SUFU: variants seen among roughly 807,000 people sequenced by gnomAD.
The protein encoded by SUFU is SUFU negative regulator of hedgehog signaling.
In SUFU, 7 loss-of-function variants were observed where a neutral mutation model predicts 58.9. That is an observed-to-expected ratio of 0.12 (90% CI 0.07 to 0.22). SUFU has a LOEUF of 0.22. Among genes scored for constraint, SUFU ranks in the 10% least tolerant of loss-of-function variants. SUFU has a pLI of 1.00. For missense variants in SUFU, 451 were observed against 641.3 expected (o/e 0.70, Z 3.20); for synonymous variants, 232 against 254.8 (o/e 0.91, Z 0.85).
At chr10:102,505,337 A>C (rs1464152534) in intron 1 of SUFU, among the ~76,000 whole-genome samples, 1 of 152,200 alleles carries the variant, frequency 6.6e-6, no homozygotes, top group Non-Finnish European at 1.5e-5. Context: ...ACTCTGGAAA[A>C]GAACCTGTCC....
intron 8 of SUFU, among the ~76,000 whole-genome samples, chr10:102,602,162 T>C (rs1487093422): frequency 2.6e-5 from 4 of 151,694 alleles, no homozygotes; most frequent in Non-Finnish European, 5.9e-5. Context: ...CTTATCCTCA[T>C]AGCCATCCTG....
intron 10 of SUFU, among the ~76,000 whole-genome samples, chr10:102,622,160 C>T (rs940547406): frequency 1.3e-5 from 2 of 152,212 alleles, no homozygotes; most frequent in Admixed American, 6.5e-5. Context: ...AGATCCATTG[C>T]CCCCCTCGCA....
At position 102,557,360 on chromosome 10, in the gene SUFU, C is replaced by A. The variant is rs943979216; in HGVS notation, c.454+7254C>A. The stretch of plus-strand genomic sequence containing the variant: ...TGGGAGGCTGAGGCAGTGAGGCGGG[C>A]AGATTGCTTGAGCCCAGGAGTTTGA... On this transcript the variant is annotated intron_variant, in intron 3 of 11. Coordinates refer to ENST00000369902, the MANE Select transcript of SUFU (RefSeq NM_016169.4). Among the ~76,000 whole-genome samples the A allele has an allele frequency of 4.6e-5, 7 of 152,106 alleles. No individual in the cohort carries two copies. In the East Asian group the frequency reaches 1.4e-3, roughly 29 times the overall value.
At chr10:102,579,341 C>T (rs1010285104) in intron 3 of SUFU, among the ~76,000 whole-genome samples, 1 of 152,156 alleles carries the variant, frequency 6.6e-6, no homozygotes, top group Non-Finnish European at 1.5e-5. Flanking sequence ...TGCATCAGTC[C>T]AGTTCTGAAA....
rs770830746 is a variant in SUFU at position 102,596,670 on chromosome 10, C to G, written c.757-470C>G. ...TAGAAGGGGAAACTGCAGGTGTGGC[C>G]TGTTGCCTGTGGCAGGCTTCCACCC... On this transcript the variant is annotated intron_variant, in intron 6 of 11. Coordinates refer to ENST00000369902, the MANE Select transcript of SUFU (RefSeq NM_016169.4). 2.6e-5 allele frequency among the ~76,000 whole-genome samples: 4 copies of G among 152,220 alleles called. No individual in the cohort carries two copies. In the South Asian group the frequency reaches 8.3e-4, roughly 32 times the overall value.
rs2063834214 is a variant in SUFU, at chr10:102,631,183, G to C, written c.*1028G>C. On this transcript the variant is annotated 3_prime_UTR_variant, in exon 12 of 12. Coordinates refer to ENST00000369902, the MANE Select transcript of SUFU (RefSeq NM_016169.4). ...AGTCCCTGGGCCTCCCAGCCTTCAG[G>C]CTGTAGGGCTGCCTTACTAAAATTG... 1 of 233,256 alleles carries C rather than the reference G, an allele frequency of 4.3e-6. No homozygotes were observed. The highest frequency in any genetic ancestry group is 8.5e-6 in the Non-Finnish European group (1 of 118,146). The allele number at this position is 233,256 out of a possible 1,614,324, so 14.4% of individuals were successfully genotyped here. A position where few individuals can be genotyped will look rare whatever the true frequency, so the allele number is the denominator to read the frequency against.
chr10:102,543,128 A>C (rs2062821381), intron 2 of SUFU, among the ~76,000 whole-genome samples: 1 of 152,218 alleles, frequency 6.6e-6, no homozygotes, highest in South Asian at 2.1e-4. Flanking sequence ...TTTATTAGGT[A>C]CTGCCTAATT....
chr10:102,580,979 C>G (rs2063270991), intron 3 of SUFU, among the ~76,000 whole-genome samples: 1 of 151,802 alleles, frequency 6.6e-6, no homozygotes, highest in African/African-American at 2.4e-5. Flanking sequence ...GTCAGGAGTT[C>G]AAGACTAGCC....
rs2062371760 is a variant in SUFU, at chr10:102,509,384, G to A, written c.317+81G>A. 2.5e-6 allele frequency: 4 copies of A among 1,573,298 alleles called. No individual in the cohort carries two copies. The East Asian group carries it at 6.7e-5, about 26-fold the overall frequency. On this transcript the variant is annotated intron_variant, in intron 2 of 11. Transcript: ENST00000369902. ...GCAGGGGTGACAATGTCATAGTGCT[G>A]TGAGCATGGTACTTCTCCGTGGAAC...
chr10:102,627,271 C>T (rs1215176743), intron 11 of SUFU, 28 bp downstream of exon 11: 2 of 1,596,850 alleles, frequency 1.3e-6, no homozygotes, highest in Admixed American at 1.7e-5. Context: ...TTCCTGACAA[C>T]AGGTCCCGTC....
intron 3 of SUFU, among the ~76,000 whole-genome samples, chr10:102,586,811 T>G: frequency 6.6e-6 from 1 of 152,214 alleles, no homozygotes; most frequent in Non-Finnish European, 1.5e-5. Flanking sequence ...TCTAGAAGTT[T>G]TTCATCTTCC....
At chr10:102,613,549 T>G (rs1343898537) in intron 8 of SUFU, among the ~76,000 whole-genome samples, 1 of 152,242 alleles carries the variant, frequency 6.6e-6, no homozygotes, top group Non-Finnish European at 1.5e-5. Context: ...CCGCAACGTG[T>G]GAGGAGGTTG....
At chr10:102,620,867 C>A (rs1183898906) in intron 10 of SUFU, among the ~76,000 whole-genome samples, 1 of 152,218 alleles carries the variant, frequency 6.6e-6, no homozygotes, top group African/African-American at 2.4e-5. Context: ...GGGGATAAGT[C>A]TCAGCCCCAG....
intron 2 of SUFU, among the ~76,000 whole-genome samples, chr10:102,521,510 C>A (rs771888385): frequency 8.5e-5 from 13 of 152,172 alleles, no homozygotes; most frequent in Non-Finnish European, 1.9e-4. Context: ...CTCATGAGTT[C>A]TCCACCTTAT....
chr10:102,563,884 G>C (rs910618822), intron 3 of SUFU, among the ~76,000 whole-genome samples: 2 of 152,114 alleles, frequency 1.3e-5, no homozygotes, highest in African/African-American at 4.8e-5. Flanking sequence ...GCAGCAGTTG[G>C]AGCGCAGCCC....
intron 7 of SUFU, among the ~76,000 whole-genome samples, chr10:102,598,021 A>G (rs1590066779): frequency 6.6e-6 from 1 of 152,330 alleles, no homozygotes; most frequent in East Asian, 1.9e-4. Flanking sequence ...TCATTCTTCC[A>G]TCTTTTCTTT....
At chr10:102,561,584 C>T (rs916712558) in intron 3 of SUFU, among the ~76,000 whole-genome samples, 1 of 151,980 alleles carries the variant, frequency 6.6e-6, no homozygotes, top group Admixed American at 6.6e-5. Context: ...GAGAATAGGT[C>T]CCCCTTCTTA....
chr10:102,549,592 T>C (rs1447025578), intron 2 of SUFU, among the ~76,000 whole-genome samples: 3 of 152,300 alleles, frequency 2.0e-5, no homozygotes, highest in Admixed American at 6.5e-5. Context: ...GCAAACAAAG[T>C]AGATGCCTAT....
chr10:102,508,725 C>T (rs2062361412), intron 1 of SUFU, among the ~76,000 whole-genome samples: 1 of 152,208 alleles, frequency 6.6e-6, no homozygotes, highest in Admixed American at 6.5e-5. Flanking sequence ...GGAGCAGAGC[C>T]TCTGCTTCCA....
Sources: allele counts gnomAD v4.1 joint callset (sites outside exome capture counted in the v4.1 genomes callset), GRCh38; gene constraint gnomAD v4.1.1; transcripts MANE v1.5; gene names NCBI Gene and HGNC (gene_info 2026-07-23, HGNC 2026-07-21).